Variants in FCHSD2 observed in about 807,000 individuals in gnomAD.
The protein encoded by FCHSD2 is F-BAR and double SH3 domains protein 2.
FCHSD2 carries 38 observed loss-of-function variants against 108.1 expected under a neutral mutation model. The ratio of observed to expected loss-of-function variants is 0.35; its 90% CI spans 0.27 to 0.46. The LOEUF is 0.46. Ranked by LOEUF, FCHSD2 falls within the 20% of genes least tolerant of loss-of-function variation. FCHSD2 has a pLI of 1.00. For missense variants in FCHSD2, 751 were observed against 897.8 expected, an observed-to-expected ratio of 0.84 and a Z score of 2.09; for synonymous variants, 279 against 314.7, an observed-to-expected ratio of 0.89 and a Z score of 1.20.
chr11:73,100,334 T>TTTGTTGTTG lies in FCHSD2; in HGVS notation c.120-16603_120-16595dup, dbSNP rs56104404. On this transcript the variant is annotated intron_variant, in intron 2 of 19. Coordinates refer to ENST00000409418, the MANE Select transcript of FCHSD2 (RefSeq NM_014824.3). ...CACTGACCTAAGCGCTTTACATGCT[T>TTTGTTGTTG]TTGTTGTTGTTGTTGTTGTTGTTGT... 3.4e-3 allele frequency among the ~76,000 whole-genome samples: 514 copies of TTTGTTGTTG among 149,060 alleles called. 5 individuals are homozygous for TTTGTTGTTG. Among genetic ancestry groups the TTTGTTGTTG allele is most frequent in the African/African-American group, 0.012 (470 of 40,488 alleles).
chr11:72,943,059 T>C (rs1425955403), intron 8 of FCHSD2, among the ~76,000 whole-genome samples: 1 of 152,202 alleles, frequency 6.6e-6, no homozygotes, highest in Non-Finnish European at 1.5e-5. Context: ...TGGTGCGATC[T>C]TGGCTCACTA....
chr11:72,870,972 T>C (rs1050482298), intron 12 of FCHSD2, among the ~76,000 whole-genome samples: 15 of 151,264 alleles, frequency 9.9e-5, no homozygotes, highest in African/African-American at 3.6e-4. Flanking sequence ...GTTTGTTGAC[T>C]AACAGTAATG....
In FCHSD2 at chr11:73,141,971, G is replaced by C. The variant is rs1161585184; in HGVS notation, c.-94C>G. On this transcript the variant is annotated 5_prime_UTR_variant, in exon 1 of 20. Coordinates refer to ENST00000409418, the MANE Select transcript of FCHSD2 (RefSeq NM_014824.3). ...GAGAGGAGGGGACGGCCCAGCGAGCGCGCGCGTGTGTGAAAGGAGCGCTTA... is the reference window on the plus strand; with the variant it reads ...GAGAGGAGGGGACGGCCCAGCGAGCCCGCGCGTGTGTGAAAGGAGCGCTTA... The C allele has an allele frequency of 7.7e-7, 1 of 1,298,782 alleles. No individual in the cohort carries two copies. The highest frequency in any genetic ancestry group is 1.5e-5 in the African/African-American group (1 of 67,070). 80.5% of individuals were successfully genotyped at this position (1,298,782 alleles called of 1,614,324 possible). A position where few individuals can be genotyped will look rare whatever the true frequency, so the allele number is the denominator to read the frequency against.
intron 14 of FCHSD2, among the ~76,000 whole-genome samples, chr11:72,846,691 A>G (rs1861153563): frequency 6.6e-6 from 1 of 152,196 alleles, no homozygotes. Flanking sequence ...TCCAGTGACA[A>G]CCAGAGCTCC....
intron 8 of FCHSD2, among the ~76,000 whole-genome samples, chr11:72,932,778 G>A (rs913238958): frequency 2.6e-5 from 4 of 152,150 alleles, no homozygotes; most frequent in African/African-American, 9.7e-5. Context: ...CATCAGGTCT[G>A]TCTGTTTACC....
intron 8 of FCHSD2, among the ~76,000 whole-genome samples, chr11:72,944,938 G>A (rs1856489821): frequency 6.6e-6 from 1 of 152,106 alleles, no homozygotes; most frequent in Non-Finnish European, 1.5e-5. Context: ...ATGCTCACGG[G>A]TAGGAAGAAT....
chr11:73,000,894 C>T (rs563901925), intron 5 of FCHSD2, 96 bp downstream of exon 5: 5 of 1,057,652 alleles, frequency 4.7e-6, no homozygotes, highest in Non-Finnish European at 6.7e-6. Context: ...CATATGGGAC[C>T]ATATAGTTTT....
chr11:72,845,542 A>G (rs1476600563), intron 14 of FCHSD2, among the ~76,000 whole-genome samples: 1 of 152,058 alleles, frequency 6.6e-6, no homozygotes, highest in Non-Finnish European at 1.5e-5. Context: ...GTAAGCAGAC[A>G]CTAGCTTGAT....
At chr11:72,920,197 G>A (rs1033746412) in intron 9 of FCHSD2, among the ~76,000 whole-genome samples, 4 of 152,100 alleles carry the variant, frequency 2.6e-5, no homozygotes, top group Non-Finnish European at 5.9e-5. Context: ...TCTGGTTCTT[G>A]GCAAAGATTA....
At chr11:72,913,453 G>C (rs191267726) in intron 9 of FCHSD2, among the ~76,000 whole-genome samples, 2 of 152,200 alleles carry the variant, frequency 1.3e-5, no homozygotes, top group African/African-American at 4.8e-5. Flanking sequence ...ATTTTTAGTA[G>C]AGACAGGGTT....
At position 72,902,528 on chromosome 11, in the gene FCHSD2, C is replaced by A. The variant is rs1181050685; in HGVS notation, c.924+15G>T. On this transcript the variant is annotated intron_variant, in intron 10 of 19. Transcript: ENST00000409418. The stretch of plus-strand genomic sequence containing the variant: ...ACTGAACAACACATGAAATGAAAAT[C>A]TATAATTCCCTTACAGTATCACTGT... 1.3e-6 allele frequency: 2 copies of A among 1,519,468 alleles called. No homozygotes were observed. Among genetic ancestry groups the A allele is most frequent in the East Asian group, 2.3e-5 (1 of 42,716 alleles). The allele number at this position is 1,519,468 out of a possible 1,614,324, so 94.1% of individuals were successfully genotyped here.
At chr11:73,007,633 G>GA (rs1250473632) in intron 4 of FCHSD2, among the ~76,000 whole-genome samples, 1 of 151,894 alleles carries the variant, frequency 6.6e-6, no homozygotes, top group African/African-American at 2.4e-5. Context: ...AAAAAGGGGG[G>GA]AAAAAGAGAA....
intron 12 of FCHSD2, among the ~76,000 whole-genome samples, chr11:72,876,223 G>A (rs1002798272): frequency 1.3e-5 from 2 of 152,110 alleles, no homozygotes; most frequent in East Asian, 1.9e-4. Flanking sequence ...CCAGCTATTC[G>A]GGAGGCTGAG....
intron 5 of FCHSD2, among the ~76,000 whole-genome samples, chr11:72,999,370 A>AG (rs1330923453): frequency 6.2e-5 from 8 of 129,658 alleles, no homozygotes; most frequent in Non-Finnish European, 1.2e-4. Context: ...CCCAGGCTGG[A>AG]GGGCAGTGGC....
At chr11:72,945,069 CA>C (rs1343216230) in intron 8 of FCHSD2, among the ~76,000 whole-genome samples, 3 of 152,066 alleles carry the variant, frequency 2.0e-5, no homozygotes, top group African/African-American at 7.2e-5. Context: ...CATATGGGAC[CA>C]AAAAAGAGCC....
intron 3 of FCHSD2, among the ~76,000 whole-genome samples, chr11:73,026,174 T>G (rs901745185): frequency 3.3e-5 from 5 of 152,150 alleles, no homozygotes; most frequent in African/African-American, 1.2e-4. Context: ...AGATGAGGTT[T>G]CACCATGTTG....
intron 2 of FCHSD2, among the ~76,000 whole-genome samples, chr11:73,121,116 T>C (rs1357978088): frequency 1.3e-5 from 2 of 151,986 alleles, no homozygotes; most frequent in Non-Finnish European, 2.9e-5. Context: ...TCAACTTCCT[T>C]AAAAAGCAAT....
At chr11:73,032,585 G>GAAA (rs111425392) in intron 3 of FCHSD2, among the ~76,000 whole-genome samples, 1 of 139,146 alleles carries the variant, frequency 7.2e-6, no homozygotes, top group East Asian at 2.0e-4. Context: ...CTTCCTAACT[G>GAAA]AAAAAAAAAA....
chr11:73,000,628 T>A (rs1422654155), intron 5 of FCHSD2, among the ~76,000 whole-genome samples: 1 of 152,178 alleles, frequency 6.6e-6, no homozygotes, highest in Non-Finnish European at 1.5e-5. Context: ...CAAATTAATG[T>A]AAACTTTTTT....
Sources: allele counts gnomAD v4.1 joint callset (sites outside exome capture counted in the v4.1 genomes callset), GRCh38; gene constraint gnomAD v4.1.1; transcripts MANE v1.5; gene names NCBI Gene and HGNC (gene_info 2026-07-23, HGNC 2026-07-21).